Variants in LRMDA observed in about 807,000 individuals in gnomAD.
The protein encoded by LRMDA is leucine-rich melanocyte differentiation-associated protein.
Under a neutral mutation model 29.8 loss-of-function variants are expected in LRMDA, and 18 were observed. That is an observed-to-expected ratio of 0.60 (90% CI 0.42 to 0.90). The LOEUF (loss-of-function observed/expected upper bound fraction) is 0.90, where lower values mean the gene tolerates loss of function less well. Ranked by LOEUF, LRMDA falls within the 40% of genes least tolerant of loss-of-function variation. The pLI is 0.00. For missense variants in LRMDA, 273 were observed against 273.9 expected (o/e 1.00, Z 0.02); for synonymous variants, 125 against 109.4 (o/e 1.14, Z -0.89).
intron 6 of LRMDA, among the ~76,000 whole-genome samples, chr10:76,357,758 C>T (rs545774073): frequency 3.3e-5 from 5 of 152,294 alleles, no homozygotes; most frequent in African/African-American, 9.6e-5. Flanking sequence ...TGCCTAGAGA[C>T]CCACATTTCC....
chr10:75,740,971 TTTA>T (rs1190830663), intron 2 of LRMDA, among the ~76,000 whole-genome samples: 5 of 152,122 alleles, frequency 3.3e-5, no homozygotes, highest in Admixed American at 3.3e-4. Context: ...TTAAGGTATG[TTTA>T]TTAAGTCACA....
rs1054456395 is a variant in LRMDA, at chr10:76,276,766, G to T, written c.517-47635G>T. Among the ~76,000 whole-genome samples the T allele has an allele frequency of 1.3e-4, 20 of 152,258 alleles. No homozygotes were observed. The South Asian group carries it at 3.9e-3, about 30-fold the overall frequency. ...ATTGGATATATTACAACTCTGTGAA[G>T]AATATTAATATTTACTTTTTTGTTT... On this transcript the variant is annotated intron_variant, in intron 5 of 6. Coordinates refer to ENST00000611255, the MANE Select transcript of LRMDA (RefSeq NM_001305581.2).
intron 5 of LRMDA, among the ~76,000 whole-genome samples, chr10:76,200,403 A>C (rs1311730240): frequency 6.6e-6 from 1 of 152,206 alleles, no homozygotes; most frequent in African/African-American, 2.4e-5. Flanking sequence ...AATGCCTTTC[A>C]TGTCTACTTT....
chr10:76,104,114 G>T (rs542883120), intron 5 of LRMDA, among the ~76,000 whole-genome samples: 1 of 151,764 alleles, frequency 6.6e-6, no homozygotes, highest in East Asian at 1.9e-4. Flanking sequence ...TCCAGGATCT[G>T]CCAGCTTTTG....
chr10:76,304,237 G>A (rs1023016309), intron 5 of LRMDA, among the ~76,000 whole-genome samples: 1 of 152,174 alleles, frequency 6.6e-6, no homozygotes, highest in African/African-American at 2.4e-5. Context: ...ACTCCTGGCT[G>A]GGGTCCCTCC....
chr10:76,502,784 G>A (rs1382724221), intron 6 of LRMDA, among the ~76,000 whole-genome samples: 4 of 150,974 alleles, frequency 2.6e-5, no homozygotes, highest in Non-Finnish European at 5.9e-5. Context: ...ATGAATTTTG[G>A]GAGCCTTTTG....
At chr10:75,806,104 G>A (rs904208175) in intron 2 of LRMDA, among the ~76,000 whole-genome samples, 1 of 152,070 alleles carries the variant, frequency 6.6e-6, no homozygotes, top group African/African-American at 2.4e-5. Flanking sequence ...AGAGAGGCAG[G>A]GGGGTACCAC....
chr10:75,608,470 A>G (rs1840987161), intron 2 of LRMDA, among the ~76,000 whole-genome samples: 1 of 152,158 alleles, frequency 6.6e-6, no homozygotes, highest in Admixed American at 6.5e-5. Flanking sequence ...TTGCTAAGAG[A>G]GTAGATCTTA....
chr10:75,443,467 A>G (rs930107072), intron 2 of LRMDA, among the ~76,000 whole-genome samples: 1 of 152,056 alleles, frequency 6.6e-6, no homozygotes, highest in Non-Finnish European at 1.5e-5. Context: ...TATTCTGTTA[A>G]TGTGGTATAT....
intron 5 of LRMDA, among the ~76,000 whole-genome samples, chr10:76,259,324 CAT>C (rs2132306660): frequency 6.6e-6 from 1 of 152,098 alleles, no homozygotes; most frequent in East Asian, 1.9e-4. Context: ...TTCCTTCACT[CAT>C]TGGTTGTTCA....
At chr10:75,454,420 G>A (rs1844492270) in intron 2 of LRMDA, among the ~76,000 whole-genome samples, 1 of 152,080 alleles carries the variant, frequency 6.6e-6, no homozygotes, top group African/African-American at 2.4e-5. Context: ...AGACCTTCCC[G>A]TCTCCTTTAG....
intron 6 of LRMDA, among the ~76,000 whole-genome samples, chr10:76,429,271 G>T (rs1015872749): frequency 6.6e-6 from 1 of 152,072 alleles, no homozygotes; most frequent in African/African-American, 2.4e-5. Flanking sequence ...CGAATAATGT[G>T]TACTGAGCTT....
intron 6 of LRMDA, among the ~76,000 whole-genome samples, chr10:76,468,475 G>A (rs541350368): frequency 6.6e-5 from 10 of 152,284 alleles, no homozygotes; most frequent in Non-Finnish European, 1.5e-4. Flanking sequence ...GCTATTGTAT[G>A]CTTTTAAACA....
chr10:75,442,831 T>C (rs1488658565), intron 2 of LRMDA, among the ~76,000 whole-genome samples: 1 of 152,160 alleles, frequency 6.6e-6, no homozygotes. Flanking sequence ...TTGATTGCTT[T>C]AGGTCATATG....
Position 75,431,747 on chromosome 10 carries a change from G to C in LRMDA, c.23G>C (p.Gly8Ala). 7.3e-7 allele frequency: 1 copy of C among 1,375,682 alleles called. No individual in the cohort carries two copies. 85.2% of individuals were successfully genotyped at this position (1,375,682 alleles called of 1,614,324 possible). Residue 8 changes from glycine to alanine, a missense_variant, in exon 1 of 7, where the codon GGA becomes GCA. Coordinates refer to ENST00000611255, the MANE Select transcript of LRMDA (RefSeq NM_001305581.2). ...GCCATGGCCGGGCTCGTGGTGCGTG[G>C]AACTCAAGTAAGTCCCGGCCAGCCC... MAGLVVRGTQVSYIGQDC... is the reference protein window; with the variant it reads MAGLVVRATQVSYIGQDC...
intron 2 of LRMDA, among the ~76,000 whole-genome samples, chr10:76,020,529 C>T (rs1025510702): frequency 9.9e-5 from 15 of 152,168 alleles, no homozygotes; most frequent in Admixed American, 2.6e-4. Context: ...GCCTGATGTT[C>T]TTTTTATTCC....
intron 2 of LRMDA, among the ~76,000 whole-genome samples, chr10:75,810,491 G>A (rs527845884): frequency 1.3e-5 from 2 of 152,286 alleles, no homozygotes; most frequent in Non-Finnish European, 2.9e-5. Flanking sequence ...AACAAAAGAC[G>A]CCAAAGATGA....
intron 2 of LRMDA, among the ~76,000 whole-genome samples, chr10:75,445,136 A>C (rs1844374834): frequency 6.6e-6 from 1 of 152,034 alleles, no homozygotes; most frequent in African/African-American, 2.4e-5. Flanking sequence ...TAGAGGTGGG[A>C]TCTCCCTATG....
intron 2 of LRMDA, among the ~76,000 whole-genome samples, chr10:75,965,490 A>G (rs1846842481): frequency 6.6e-6 from 1 of 152,184 alleles, no homozygotes; most frequent in Admixed American, 6.5e-5. Flanking sequence ...TAGGACTTCT[A>G]AACTTTGTAA....
Sources: gnomAD v4.1 joint callset for allele counts (sites outside exome capture counted in the v4.1 genomes callset) on GRCh38, gnomAD v4.1.1 for gene constraint, MANE v1.5 for transcripts, NCBI Gene and HGNC (gene_info 2026-07-23, HGNC 2026-07-21) for gene names.